The following HYDIN variants were observed in gnomAD, a reference collection of about 807,000 sequenced individuals.
HYDIN encodes the protein axonemal central pair apparatus protein HYDIN.
In HYDIN, 132 loss-of-function variants were observed where a neutral mutation model predicts 403.9. That is an observed-to-expected ratio of 0.33 (90% CI 0.28 to 0.38). The LOEUF (loss-of-function observed/expected upper bound fraction) is 0.38. HYDIN is among the 10% of genes least tolerant of loss of function. The pLI, the probability that HYDIN is intolerant of heterozygous loss-of-function variation, is 1.00. For synonymous variants in HYDIN, 1,202 were observed against 1,891.7 expected (o/e 0.64, Z 9.46); for missense variants, 2,827 against 5,009.5 (o/e 0.56, Z 13.15).
At chr16:70,891,432 G>A (rs900486020) in intron 57 of HYDIN, among the ~76,000 whole-genome samples, 1 of 152,214 alleles carries the variant, frequency 6.6e-6, no homozygotes, top group African/African-American at 2.4e-5. Flanking sequence ...CAGGTGATCT[G>A]CCCGCCTTGG....
At chr16:71,201,242 T>G (rs2087991425) in intron 1 of HYDIN, among the ~76,000 whole-genome samples, 1 of 152,236 alleles carries the variant, frequency 6.6e-6, no homozygotes, top group Non-Finnish European at 1.5e-5. Flanking sequence ...GCTTGTTCAT[T>G]GCTGTTATAC....
chr16:71,073,476 T>C (rs1282790346), intron 13 of HYDIN, among the ~76,000 whole-genome samples: 1 of 152,228 alleles, frequency 6.6e-6, no homozygotes, highest in Non-Finnish European at 1.5e-5. Flanking sequence ...CTCCTTCAGC[T>C]ACATACTGCC....
chr16:70,915,391 G>T (rs1325676483), intron 47 of HYDIN, among the ~76,000 whole-genome samples: 2 of 151,794 alleles, frequency 1.3e-5, no homozygotes, highest in East Asian at 3.9e-4. Context: ...GAGCCGAGCT[G>T]TGCTGATGGT....
intron 4 of HYDIN, among the ~76,000 whole-genome samples, chr16:71,176,753 C>T (rs1405339437): frequency 1.3e-5 from 2 of 152,210 alleles, no homozygotes; most frequent in Admixed American, 6.5e-5. Flanking sequence ...ATTAGTCTGA[C>T]TCTGGAGTGT....
At chr16:70,890,021 G>C (rs1312034055) in intron 57 of HYDIN, among the ~76,000 whole-genome samples, 1 of 152,202 alleles carries the variant, frequency 6.6e-6, no homozygotes, top group Non-Finnish European at 1.5e-5. Flanking sequence ...AATTACTTGT[G>C]GATGTCAAAT....
chr16:71,209,247 A>C (rs1429806794), intron 1 of HYDIN, among the ~76,000 whole-genome samples: 1 of 151,142 alleles, frequency 6.6e-6, no homozygotes, highest in Non-Finnish European at 1.5e-5. Flanking sequence ...AACATATGCA[A>C]ATCAATAAAT....
At chr16:70,962,695 G>A (rs1479241740) in intron 37 of HYDIN, among the ~76,000 whole-genome samples, 1 of 145,246 alleles carries the variant, frequency 6.9e-6, no homozygotes, top group African/African-American at 2.6e-5. Context: ...GCATTTCAGG[G>A]GTGCAGTGGG....
chr16:70,849,280 T>C (rs1392091112), intron 75 of HYDIN, among the ~76,000 whole-genome samples: 3 of 152,054 alleles, frequency 2.0e-5, no homozygotes, highest in Non-Finnish European at 2.9e-5. Flanking sequence ...ACTCCGAGAA[T>C]TGTTGCAAGC....
At chr16:71,073,195 G>A (rs890235248) in intron 13 of HYDIN, among the ~76,000 whole-genome samples, 6 of 152,168 alleles carry the variant, frequency 3.9e-5, no homozygotes, top group African/African-American at 1.4e-4. Context: ...TTAGATGCCT[G>A]ACGTTACTGA....
intron 4 of HYDIN, among the ~76,000 whole-genome samples, chr16:71,176,817 A>G (rs2086686602): frequency 1.3e-5 from 2 of 152,142 alleles, no homozygotes; most frequent in Non-Finnish European, 2.9e-5. Context: ...GCTTATTCTC[A>G]TCCTCTGTGT....
chr16:70,863,193 A>T lies in HYDIN; in HGVS notation c.11472-11T>A, dbSNP rs1219956365. 6.2e-7 allele frequency: 1 copy of T among 1,611,326 alleles called. No homozygotes were observed. Among genetic ancestry groups the T allele is most frequent in the Admixed American group, 1.7e-5 (1 of 59,842 alleles). ...TTAATCACATCGAACCTGCAAATCG[A>T]TCAGGGAGCAGATTTGAGAAATGTG... On this transcript the variant is annotated splice_polypyrimidine_tract_variant and intron_variant, in intron 67 of 85. Coordinates refer to ENST00000393567, the MANE Select transcript of HYDIN (RefSeq NM_001270974.2).
intron 55 of HYDIN, 68 bp downstream of exon 55, chr16:70,894,381 C>A: frequency 6.2e-7 from 1 of 1,605,218 alleles, no homozygotes; most frequent in Non-Finnish European, 8.5e-7. Context: ...TGAACACGAT[C>A]TCATATTTCC....
chr16:70,895,494 T>TGTGG (rs1256537813), intron 54 of HYDIN, among the ~76,000 whole-genome samples: 1 of 151,992 alleles, frequency 6.6e-6, no homozygotes, highest in Admixed American at 6.6e-5. Context: ...AAGGGGACCA[T>TGTGG]GTGGGCGGCC....
At chr16:71,197,746 CTT>C (rs1329421155) in intron 1 of HYDIN, among the ~76,000 whole-genome samples, 6 of 151,920 alleles carry the variant, frequency 3.9e-5, no homozygotes, top group Admixed American at 3.3e-4. Flanking sequence ...ATTTGATTCT[CTT>C]TGTTTGTTTG....
Position 70,806,168 on chromosome 16 carries a change from A to G in HYDIN, c.*1412T>C, listed in dbSNP as rs57111803. 0.036 allele frequency among the ~76,000 whole-genome samples: 5,526 copies of G among 152,212 alleles called. 323 individuals are homozygous for G. The highest frequency in any genetic ancestry group is 0.13 in the African/African-American group (5,299 of 41,498). The stretch of plus-strand genomic sequence containing the variant: ...ATAATTATTACATTTTATTATTATT[A>G]TTGTTAATGTCTTACTGTGCCTAAT... On this transcript the variant is annotated 3_prime_UTR_variant, in exon 86 of 86. Coordinates refer to ENST00000393567, the MANE Select transcript of HYDIN (RefSeq NM_001270974.2).
intron 18 of HYDIN, among the ~76,000 whole-genome samples, chr16:71,033,360 A>G (rs541398398): frequency 6.6e-6 from 1 of 152,214 alleles, no homozygotes; most frequent in Non-Finnish European, 1.5e-5. Context: ...ATATTGTACT[A>G]TATTATTAAT....
intron 10 of HYDIN, among the ~76,000 whole-genome samples, chr16:71,106,466 G>A (rs1459628474): frequency 1.1e-4 from 17 of 152,080 alleles, no homozygotes; most frequent in Admixed American, 1.1e-3. Context: ...TATAACTGTT[G>A]GCTATGTGTC....
chr16:70,939,147 G>C (rs2077591537), intron 43 of HYDIN, among the ~76,000 whole-genome samples: 1 of 152,200 alleles, frequency 6.6e-6, no homozygotes, highest in Non-Finnish European at 1.5e-5. Context: ...TGATGTGATA[G>C]TAGGAGCAGG....
chr16:71,187,438 A>C (rs1369229125), intron 1 of HYDIN, among the ~76,000 whole-genome samples: 1 of 152,158 alleles, frequency 6.6e-6, no homozygotes. Context: ...ATAGCCACCC[A>C]ATATCTCTGA....
Sources: allele counts gnomAD v4.1 joint callset (sites outside exome capture counted in the v4.1 genomes callset), GRCh38; gene constraint gnomAD v4.1.1; transcripts MANE v1.5; gene names NCBI Gene and HGNC (gene_info 2026-07-23, HGNC 2026-07-21).